EME1: variants seen among roughly 807,000 people sequenced by gnomAD.
EME1 encodes structure-specific endonuclease subunit EME1.
A neutral mutation model predicts 59.1 loss-of-function variants in EME1; 61 were observed. The observed-to-expected ratio is 1.03, with a 90% CI of 0.84 to 1.28. The LOEUF is 1.28. Among genes scored for constraint, EME1 ranks in the 50% most tolerant of loss-of-function variants. The pLI is 0.00. For missense variants in EME1, 635 were observed against 682.6 expected (o/e 0.93, Z 0.78); for synonymous variants, 230 against 254.2 (o/e 0.90, Z 0.90).
In EME1 at chr17:50,379,201, G is replaced by C. The variant is rs943833959; in HGVS notation, c.1207G>C (p.Val403Leu). ...ACCAGAGGCCAGCATAGGGTCCATG[G>C]TATCCAGGGTAGACGCTGAAGAGGT... ...RQPEASIGSM[V>L]SRVDAEEALV... Residue 403 changes from valine to leucine, a missense_variant, in exon 6 of 9, where the codon GTA becomes CTA. By Grantham distance (32) the Val-to-Leu change is conservative. Coordinates refer to ENST00000338165, the MANE Select transcript of EME1 (RefSeq NM_152463.4). 6.2e-7 allele frequency: 1 copy of C among 1,614,182 alleles called. No individual in the cohort carries two copies. Among genetic ancestry groups the C allele is most frequent in the South Asian group, 1.1e-5 (1 of 91,080 alleles).
intron 7 of EME1, chr17:50,379,858 C>T (rs572546065): frequency 1.3e-4 from 49 of 388,798 alleles, no homozygotes; most frequent in African/African-American, 9.2e-4. Context: ...GGTCAGATCA[C>T]AATGTAATAA....
rs767973059 is a variant in EME1 at position 50,375,788 on chromosome 17, C to T, written c.580C>T (p.Pro194Ser). The stretch of plus-strand genomic sequence containing the variant: ...AACCAAAACAAATTCTGACATCCTT[C>T]CACCCCAGAAGAAAACCAAGCCGAG... ...AVTKTNSDIL[P>S]PQKKTKPSQK... Residue 194 changes from proline to serine, a missense_variant, in exon 2 of 9, where the codon CCA becomes TCA. Transcript: ENST00000338165. 8 of 1,614,170 alleles carry T rather than the reference C, an allele frequency of 5.0e-6. No homozygotes were observed. The South Asian group carries it at 8.8e-5, about 18-fold the overall frequency.
chr17:50,373,288 C>T lies in EME1; in HGVS notation c.-25+11C>T, dbSNP rs1247814525. 7.0e-7 allele frequency: 1 copy of T among 1,431,500 alleles called. No individual in the cohort carries two copies. The highest frequency in any genetic ancestry group is 9.6e-7 in the Non-Finnish European group (1 of 1,045,078). 88.7% of individuals were successfully genotyped at this position (1,431,500 alleles called of 1,614,324 possible). A position where few individuals can be genotyped will look rare whatever the true frequency, so the allele number is the denominator to read the frequency against. On this transcript the variant is annotated intron_variant, in intron 1 of 8. Coordinates refer to ENST00000338165, the MANE Select transcript of EME1 (RefSeq NM_152463.4). ...CGGGAGAAGTTGCAGGTGAGCGTCC[C>T]CGGTCGCAGGCCTGCGGATTGGGCA... is the stretch of plus-strand genomic sequence containing the variant.
intron 3 of EME1, among the ~76,000 whole-genome samples, chr17:50,377,464 A>G (rs79451072): frequency 0.014 from 2,096 of 152,308 alleles, 43 homozygotes; most frequent in African/African-American, 0.047. Context: ...CTGTTCCCCA[A>G]TTACTCCATA....
At chr17:50,378,514 C>G in intron 3 of EME1, 81 bp from the exon 4 acceptor site, 1 of 1,379,280 alleles carries the variant, frequency 7.3e-7, no homozygotes, top group Non-Finnish European at 1.0e-6. Context: ...GTTCATTCAC[C>G]CAGAAGACCT....
chr17:50,373,371 C>G, intron 1 of EME1, 94 bp downstream of exon 1: 2 of 681,540 alleles, frequency 2.9e-6, no homozygotes, highest in Non-Finnish European at 4.9e-6. Flanking sequence ...GTCCAGGAGC[C>G]TCTGCAGCGG....
At chr17:50,376,007 G>A (rs1310162900) in intron 2 of EME1, 24 bp downstream of exon 2, 14 of 1,606,976 alleles carry the variant, frequency 8.7e-6, no homozygotes, top group Non-Finnish European at 1.2e-5. Context: ...TCTTTGTCCT[G>A]TGCTGAGTTA....
At chr17:50,373,771 C>T (rs1913283150) in intron 1 of EME1, among the ~76,000 whole-genome samples, 1 of 152,116 alleles carries the variant, frequency 6.6e-6, no homozygotes, top group African/African-American at 2.4e-5. Context: ...AAAACATACC[C>T]CCACAAAAAC....
chr17:50,377,236 G>A (rs1433725894), intron 3 of EME1, among the ~76,000 whole-genome samples: 1 of 151,974 alleles, frequency 6.6e-6, no homozygotes, highest in Admixed American at 6.6e-5. Context: ...CCCTCTCAAG[G>A]CACTCCCACA....
chr17:50,378,148 C>T (rs1378920190), intron 3 of EME1, among the ~76,000 whole-genome samples: 3 of 151,066 alleles, frequency 2.0e-5, no homozygotes, highest in African/African-American at 7.3e-5. Flanking sequence ...CTCACTGCAA[C>T]CTCCACCTCC....
chr17:50,376,023 G>A (rs774536808), intron 2 of EME1, 40 bp downstream of exon 2: 27 of 1,607,774 alleles, frequency 1.7e-5, no homozygotes, highest in Admixed American at 8.3e-5. Context: ...AGTTATCTGC[G>A]TTCTGGACCC....
At chr17:50,380,703 C>T in intron 8 of EME1, 60 bp from the exon 9 acceptor site, 2 of 1,595,984 alleles carry the variant, frequency 1.3e-6, no homozygotes, top group Non-Finnish European at 1.7e-6. Flanking sequence ...ACCCTCCATG[C>T]TCATGGAGAA....
In EME1 at chr17:50,381,128, C is replaced by T. The variant is rs1913817900; in HGVS notation, c.*189C>T. The T allele has an allele frequency of 1.5e-6, 1 of 649,166 alleles. No homozygotes were observed. Among genetic ancestry groups the T allele is most frequent in the African/African-American group, 1.8e-5 (1 of 54,798 alleles). The allele number at this position is 649,166 out of a possible 1,614,324, so 40.2% of individuals were successfully genotyped here. On this transcript the variant is annotated 3_prime_UTR_variant, in exon 9 of 9. Transcript: ENST00000338165. ...GCTGGGGCAGAGACTGAAATACTGC[C>T]ACCTACCTTTGGCATTTAATGTTCC... is the stretch of plus-strand genomic sequence containing the variant.
intron 3 of EME1, among the ~76,000 whole-genome samples, chr17:50,377,692 C>T (rs1447399853): frequency 6.6e-6 from 1 of 152,126 alleles, no homozygotes; most frequent in African/African-American, 2.4e-5. Flanking sequence ...GAAGAGTTTC[C>T]CTTCCCTCCA....
chr17:50,380,678 C>G, intron 8 of EME1, 85 bp from the exon 9 acceptor site: 4 of 1,584,980 alleles, frequency 2.5e-6, no homozygotes, highest in Non-Finnish European at 3.4e-6. Flanking sequence ...TCTCATGCCC[C>G]AAGCCAAGCG....
At position 50,379,121 on chromosome 17, in the gene EME1, CAAG is replaced by C. The variant is rs748625010; in HGVS notation, c.1132_1134del (p.Arg378del). The C allele has an allele frequency of 6.2e-7, 1 of 1,614,060 alleles. No individual in the cohort carries two copies. Among genetic ancestry groups the C allele is most frequent in the East Asian group, 2.2e-5 (1 of 44,888 alleles). On this transcript the variant is annotated inframe_deletion, in exon 6 of 9. Transcript: ENST00000338165. The stretch of plus-strand genomic sequence containing the variant: ...CCCTGCACCAGTGCTCAGAATCCTC[CAAG>C]AAGAGGGAAACAGGGAGCAAATAAA...
chr17:50,373,866 CAA>C (rs1214600322), intron 1 of EME1, among the ~76,000 whole-genome samples: 2 of 152,160 alleles, frequency 1.3e-5, no homozygotes, highest in African/African-American at 4.8e-5. Context: ...AATGGATAAA[CAA>C]AATGTAGCAT....
At position 50,376,139 on chromosome 17, in the gene EME1, G is replaced by A. The variant is rs777169767; in HGVS notation, c.849G>A (p.Glu283=). The stretch of plus-strand genomic sequence containing the variant: ...CCATGGAGTGCCGCTGTGTGATTGA[G>A]GCGCAGGCTGTGCCTTGCAGTGTCA... ...LQTMECRCVI[E]AQAVPCSVTW... Residue 283 remains glutamate (E), a synonymous_variant, in exon 3 of 9, where the codon GAG becomes GAA. Transcript: ENST00000338165. The A allele has an allele frequency of 1.9e-6, 3 of 1,614,044 alleles. No homozygotes were observed. Among genetic ancestry groups the A allele is most frequent in the Middle Eastern group, 1.7e-4 (1 of 5,986 alleles).
rs901165779 is a variant in EME1, at chr17:50,378,957, G to A, written c.1112+62G>A. On this transcript the variant is annotated intron_variant, in intron 5 of 8. Coordinates refer to ENST00000338165, the MANE Select transcript of EME1 (RefSeq NM_152463.4). ...GCAGCTCTTGGGCCAAGGGGGGTGA[G>A]TTTAGTTTATTCATTGCAGATGTAG... 17 of 1,613,340 alleles carry A rather than the reference G, an allele frequency of 1.1e-5. No homozygotes were observed. The Admixed American group carries it at 2.8e-4, about 27-fold the overall frequency.
Sources: gnomAD v4.1 joint callset for allele counts (sites outside exome capture counted in the v4.1 genomes callset) on GRCh38, gnomAD v4.1.1 for gene constraint, MANE v1.5 for transcripts, NCBI Gene and HGNC (gene_info 2026-07-23, HGNC 2026-07-21) for gene names.